Variants in STMND1 observed in about 807,000 individuals in gnomAD.
The protein encoded by STMND1 is stathmin domain-containing protein 1.
A neutral mutation model predicts 23.0 loss-of-function variants in STMND1; 17 were observed. That is an observed-to-expected ratio of 0.74 (90% CI 0.51 to 1.11). The LOEUF is 1.11. Ranked by LOEUF, STMND1 falls within the 50% of genes least tolerant of loss-of-function variation. The pLI, the probability that STMND1 is intolerant of heterozygous loss-of-function variation, is 0.00. For missense variants in STMND1, 305 were observed against 329.1 expected, an observed-to-expected ratio of 0.93 and a Z score of 0.57; for synonymous variants, 114 against 119.9, an observed-to-expected ratio of 0.95 and a Z score of 0.32.
intron 1 of STMND1, among the ~76,000 whole-genome samples, chr6:17,106,735 G>A (rs148992037): frequency 3.9e-5 from 6 of 152,242 alleles, no homozygotes; most frequent in South Asian, 4.1e-4. Flanking sequence ...TGAAATGAAC[G>A]TGTTTGCTTG....
intron 1 of STMND1, among the ~76,000 whole-genome samples, chr6:17,108,038 G>C (rs947022489): frequency 1.3e-5 from 2 of 152,188 alleles, no homozygotes; most frequent in Non-Finnish European, 1.5e-5. Flanking sequence ...GTTTTCAAAA[G>C]AGAAGAACCT....
Position 17,114,997 on chromosome 6 carries a change from C to T in STMND1, c.117C>T (p.Cys39=). The change falls in exon 2 of 5, where the codon TGC becomes TGT. Residue 39 remains cysteine, a synonymous_variant. Coordinates refer to ENST00000536551, the MANE Select transcript of STMND1 (RefSeq NM_001190766.2). ...DVSVPHTGEN[C]SPRMEAALTK... is the part of the protein sequence containing the mutation. ...GTGTGCCTCATACTGGGGAAAATTG[C>T]AGCCCCCGGATGGAAGCTGCTCTGA... 2 of 1,532,068 alleles carry T rather than the reference C, an allele frequency of 1.3e-6. No homozygotes were observed. The highest frequency in any genetic ancestry group is 1.7e-6 in the Non-Finnish European group (2 of 1,145,348). The allele number at this position is 1,532,068 out of a possible 1,614,324, so 94.9% of individuals were successfully genotyped here.
At chr6:17,105,258 T>C (rs1761007158) in intron 1 of STMND1, among the ~76,000 whole-genome samples, 2 of 152,246 alleles carry the variant, frequency 1.3e-5, no homozygotes, top group African/African-American at 4.8e-5. Flanking sequence ...AGAGTTGTTG[T>C]GAGGGTTAAA....
chr6:17,117,346 G>A (rs1256520039), intron 2 of STMND1, among the ~76,000 whole-genome samples: 2 of 152,122 alleles, frequency 1.3e-5, no homozygotes, highest in African/African-American at 2.4e-5. Flanking sequence ...TGGGATTACA[G>A]GTGTGAGCCA....
chr6:17,107,312 G>T (rs745553057), intron 1 of STMND1, among the ~76,000 whole-genome samples: 7 of 151,966 alleles, frequency 4.6e-5, no homozygotes, highest in Non-Finnish European at 1.0e-4. Flanking sequence ...AACAACACCT[G>T]TCCGTATTTA....
At chr6:17,107,893 G>T (rs1267485796) in intron 1 of STMND1, among the ~76,000 whole-genome samples, 1 of 152,182 alleles carries the variant, frequency 6.6e-6, no homozygotes. Flanking sequence ...TCCCTGAGAG[G>T]CATAGATCTA....
chr6:17,127,474 C>A (rs938775838), intron 3 of STMND1, among the ~76,000 whole-genome samples: 13 of 152,192 alleles, frequency 8.5e-5, no homozygotes, highest in Non-Finnish European at 1.6e-4. Context: ...CGCTTGAACC[C>A]GGGAGGCGGA....
Position 17,119,115 on chromosome 6 carries a change from C to T in STMND1, c.260-1492C>T, listed in dbSNP as rs369465443. 4.6e-5 allele frequency among the ~76,000 whole-genome samples: 7 copies of T among 152,210 alleles called. No homozygotes were observed. In the East Asian group the frequency reaches 9.7e-4, roughly 21 times the overall value. On this transcript the variant is annotated intron_variant, in intron 2 of 4. Coordinates refer to ENST00000536551, the MANE Select transcript of STMND1 (RefSeq NM_001190766.2). ...GTTTCAAGTTTCTAGTTGACCTCCC[C>T]GTATGACATGTTTTACTACCCCATG... is the stretch of plus-strand genomic sequence containing the variant.
intron 3 of STMND1, among the ~76,000 whole-genome samples, chr6:17,126,942 G>A (rs770057030): frequency 6.6e-6 from 1 of 152,174 alleles, no homozygotes; most frequent in Non-Finnish European, 1.5e-5. Flanking sequence ...AGCTGCCTGG[G>A]TCTCCACTAT....
rs758201438 is a variant in STMND1 at position 17,130,712 on chromosome 6, G to A, written c.662G>A (p.Arg221Lys). The A allele has an allele frequency of 2.3e-5, 35 of 1,535,948 alleles. 1 individual carries two copies. In the Middle Eastern group the frequency reaches 1.2e-3, roughly 51 times the overall value. Residue 221 changes from arginine to lysine, a missense_variant, in exon 5 of 5, where the codon AGG becomes AAG. Transcript: ENST00000536551. ...AEVAFAKGLQ[R>K]VRSAGFEPSD... ...GTTGCATTTGCCAAAGGACTTCAAA[G>A]GGTGAGGTCTGCTGGATTTGAACCA...
At chr6:17,125,100 T>C (rs10949405) in intron 3 of STMND1, among the ~76,000 whole-genome samples, 45,615 of 147,788 alleles carry the variant, frequency 0.31, 7,204 homozygotes, top group Middle Eastern at 0.36. Context: ...GAGCGTCCCT[T>C]GAGGCCAGGT....
At position 17,102,276 on chromosome 6, in the gene STMND1, C is replaced by A; in HGVS notation, c.19C>A (p.Gln7Lys). The A allele has an allele frequency of 6.5e-7, 1 of 1,536,054 alleles. No individual in the cohort carries two copies. Among genetic ancestry groups the A allele is most frequent in the Admixed American group, 2.0e-5 (1 of 51,004 alleles). MGCGPS[Q>K]PAEDRRRVRA... is the part of the protein sequence containing the mutation. ...GCGCAGCATGGGCTGTGGACCTTCC[C>A]AACCTGCTGAAGACCGGAGACGTGT... is the stretch of plus-strand genomic sequence containing the variant. The change falls in exon 1 of 5, where the codon CAA becomes AAA. Residue 7 changes from glutamine to lysine, a missense_variant. Coordinates refer to ENST00000536551, the MANE Select transcript of STMND1 (RefSeq NM_001190766.2).
chr6:17,110,564 T>G (rs1761083684), intron 1 of STMND1: 1 of 276,956 alleles, frequency 3.6e-6, no homozygotes, highest in Admixed American at 4.5e-5. Flanking sequence ...GGTCAAGAAT[T>G]CGAGACCAGC....
intron 1 of STMND1, among the ~76,000 whole-genome samples, chr6:17,113,637 T>TC (rs1331134118): frequency 3.4e-5 from 5 of 146,058 alleles, no homozygotes; most frequent in African/African-American, 1.3e-4. Flanking sequence ...TGCATCACTT[T>TC]TTTTTTTTTT....
intron 3 of STMND1, among the ~76,000 whole-genome samples, chr6:17,124,141 AT>A: frequency 6.6e-6 from 1 of 152,224 alleles, no homozygotes; most frequent in Non-Finnish European, 1.5e-5. Context: ...CAAAGATATT[AT>A]TATGTCAGCA....
chr6:17,113,183 A>G (rs996508727), intron 1 of STMND1, among the ~76,000 whole-genome samples: 5 of 152,238 alleles, frequency 3.3e-5, no homozygotes, highest in South Asian at 2.1e-4. Context: ...CTATCAATCA[A>G]CGTTCTACCA....
At chr6:17,110,228 A>C (rs1761079165) in intron 1 of STMND1, among the ~76,000 whole-genome samples, 1 of 152,136 alleles carries the variant, frequency 6.6e-6, no homozygotes, top group Non-Finnish European at 1.5e-5. Flanking sequence ...TTTGCTGCAG[A>C]GAGTGGGAGG....
chr6:17,110,507 C>T (rs1581367362), intron 1 of STMND1: 1 of 224,040 alleles, frequency 4.5e-6, no homozygotes, highest in Non-Finnish European at 9.1e-6. Flanking sequence ...CGGTGGCGCA[C>T]GTCTGTAATC....
chr6:17,110,876 C>T (rs1761089000), intron 1 of STMND1: 5 of 455,954 alleles, frequency 1.1e-5, no homozygotes, highest in Non-Finnish European at 1.8e-5. Flanking sequence ...AGGAGACTTC[C>T]TGTGGTATGT....
Sources: allele counts gnomAD v4.1 joint callset (sites outside exome capture counted in the v4.1 genomes callset), GRCh38; gene constraint gnomAD v4.1.1; transcripts MANE v1.5; gene names NCBI Gene and HGNC (gene_info 2026-07-23, HGNC 2026-07-21).